Variants in FGF14 observed in about 807,000 individuals in gnomAD.
FGF14 encodes fibroblast growth factor 14.
Under a neutral mutation model 25.5 loss-of-function variants are expected in FGF14, and 5 were observed. That is an observed-to-expected ratio of 0.20 (90% CI 0.10 to 0.41). The LOEUF (loss-of-function observed/expected upper bound fraction) is 0.41. FGF14 is among the 10% of genes least tolerant of loss of function. The probability of loss-of-function intolerance (pLI) is 1.00; values close to 1 mark genes in which losing one functional copy is unlikely to be tolerated. For missense variants in FGF14, 222 were observed against 320.1 expected, an observed-to-expected ratio of 0.69 and a Z score of 2.34; for synonymous variants, 138 against 118.3, an observed-to-expected ratio of 1.17 and a Z score of -1.08.
chr13:101,975,243 T>G (rs1015328911), intron 1 of FGF14, among the ~76,000 whole-genome samples: 11 of 152,102 alleles, frequency 7.2e-5, no homozygotes, highest in African/African-American at 2.2e-4. Context: ...TCCTACCTTG[T>G]GCTGTGACCC....
At chr13:102,215,300 G>A (rs994899009) in intron 1 of FGF14, among the ~76,000 whole-genome samples, 1 of 152,196 alleles carries the variant, frequency 6.6e-6, no homozygotes, top group African/African-American at 2.4e-5. Flanking sequence ...TGGGTTTTGA[G>A]TTAGAATAAC....
At chr13:102,153,731 A>G (rs905295929) in intron 1 of FGF14, among the ~76,000 whole-genome samples, 3 of 152,120 alleles carry the variant, frequency 2.0e-5, no homozygotes, top group Non-Finnish European at 2.9e-5. Context: ...GCCTCTGGTA[A>G]CCACCATTCT....
At chr13:101,952,281 C>T (rs1256957282) in intron 1 of FGF14, among the ~76,000 whole-genome samples, 1 of 152,040 alleles carries the variant, frequency 6.6e-6, no homozygotes, top group Non-Finnish European at 1.5e-5. Flanking sequence ...GCTTGTTTAC[C>T]ATACACTATG....
intron 1 of FGF14, among the ~76,000 whole-genome samples, chr13:102,398,794 T>G (rs1329113048): frequency 6.6e-6 from 1 of 151,330 alleles, no homozygotes; most frequent in Non-Finnish European, 1.5e-5. Flanking sequence ...TGGCATGGGT[T>G]CGATTCAAGC....
In FGF14 at chr13:101,870,971, A is replaced by ATAC. The variant is rs530929700; in HGVS notation, c.305-2144_305-2143insGTA. 4.2e-4 allele frequency among the ~76,000 whole-genome samples: 59 copies of ATAC among 141,770 alleles called. 3 individuals are homozygous for ATAC. The South Asian group carries it at 0.013, about 32-fold the overall frequency. The allele number at this position is 141,770 out of a possible 152,430, so 93.0% of individuals were successfully genotyped here. A position where few individuals can be genotyped will look rare whatever the true frequency, so the allele number is the denominator to read the frequency against. The stretch of plus-strand genomic sequence containing the variant: ...CATCTCAAAAATAAATAAATAAATA[A>ATAC]ATAAATACATACATACATACATACA... On this transcript the variant is annotated intron_variant, in intron 2 of 4. Transcript: ENST00000376143.
At chr13:101,807,069 G>A (rs2041244946) in intron 3 of FGF14, among the ~76,000 whole-genome samples, 1 of 152,028 alleles carries the variant, frequency 6.6e-6, no homozygotes, top group South Asian at 2.1e-4. Flanking sequence ...AAAGGGGCAG[G>A]GATGGTGCAA....
At chr13:102,380,848 T>G (rs1396707739) in intron 1 of FGF14, among the ~76,000 whole-genome samples, 2 of 151,824 alleles carry the variant, frequency 1.3e-5, no homozygotes, top group Non-Finnish European at 2.9e-5. Context: ...AGATAAAGAG[T>G]CAGAACCATT....
rs1026376350 is a variant in FGF14 at position 102,390,362 on chromosome 13, A to G, written c.208+11109T>C. 3.1e-4 allele frequency among the ~76,000 whole-genome samples: 47 copies of G among 152,248 alleles called. 2 individuals carry two copies. The highest frequency in any genetic ancestry group is 2.7e-3 in the Admixed American group (42 of 15,284). On this transcript the variant is annotated intron_variant, in intron 1 of 4. Coordinates refer to the FGF14 transcript ENST00000376131. ...ATAAATTATATCTCACTAAGAAAGC[A>G]TTAAAAATTCTAGATAGCTAAACAG...
In FGF14 at chr13:102,187,090, C is replaced by T. The variant is rs116412586; in HGVS notation, c.208+214381G>A. Among the ~76,000 whole-genome samples the T allele has an allele frequency of 4.0e-3, 606 of 152,254 alleles. 4 individuals carry two copies. Among genetic ancestry groups the T allele is most frequent in the African/African-American group, 0.013 (552 of 41,570 alleles). ...TATGGGGGACACACAAGCAACGCCT[C>T]GGTTACATATGGAGGACAAATCTAG... On this transcript the variant is annotated intron_variant, in intron 1 of 4. Transcript: ENST00000376131.
chr13:102,019,051 C>A (rs1213742488), intron 1 of FGF14, among the ~76,000 whole-genome samples: 1 of 152,144 alleles, frequency 6.6e-6, no homozygotes, highest in Non-Finnish European at 1.5e-5. Context: ...CACCAAGTTT[C>A]AACTCATTGT....
At chr13:101,823,612 T>G (rs969191070) in intron 3 of FGF14, among the ~76,000 whole-genome samples, 8 of 150,336 alleles carry the variant, frequency 5.3e-5, no homozygotes, top group African/African-American at 1.9e-4. Flanking sequence ...TAACTTTGTA[T>G]TTTTAGTAGA....
At chr13:102,270,701 G>C (rs1276495877) in intron 1 of FGF14, among the ~76,000 whole-genome samples, 1 of 152,056 alleles carries the variant, frequency 6.6e-6, no homozygotes, top group Non-Finnish European at 1.5e-5. Flanking sequence ...TTTTATGTCT[G>C]GGTATTTGTT....
intron 4 of FGF14, among the ~76,000 whole-genome samples, chr13:101,724,968 T>G (rs1032215671): frequency 1.3e-5 from 2 of 151,992 alleles, no homozygotes; most frequent in East Asian, 1.9e-4. Flanking sequence ...CATTGTTGTC[T>G]CAGATATTTT....
chr13:101,800,876 T>G (rs1403946831), intron 3 of FGF14, among the ~76,000 whole-genome samples: 1 of 152,128 alleles, frequency 6.6e-6, no homozygotes, highest in Non-Finnish European at 1.5e-5. Flanking sequence ...TTTACAGAAA[T>G]AGGTGATCGT....
intron 1 of FGF14, among the ~76,000 whole-genome samples, chr13:101,877,516 G>A (rs561480152): frequency 2.2e-4 from 34 of 152,126 alleles, no homozygotes; most frequent in Non-Finnish European, 4.3e-4. Context: ...TAAGTTAACA[G>A]CTGGAATCTG....
At chr13:102,373,859 C>T (rs11842873) in intron 1 of FGF14, among the ~76,000 whole-genome samples, 1,664 of 152,100 alleles carry the variant, frequency 0.011, 21 homozygotes, top group African/African-American at 0.038. Context: ...ACTGGAATCA[C>T]CTATGGGGTT....
intron 1 of FGF14, among the ~76,000 whole-genome samples, chr13:102,289,134 CAATTAAAATTTGT>C (rs1300352053): frequency 1.3e-5 from 2 of 152,094 alleles, no homozygotes; most frequent in African/African-American, 4.8e-5. Context: ...ATTATGTTAC[CAATTAAAATTTGT>C]TCATCACTCC....
intron 1 of FGF14, among the ~76,000 whole-genome samples, chr13:101,876,858 G>T (rs1024351185): frequency 6.6e-6 from 1 of 152,094 alleles, no homozygotes; most frequent in East Asian, 1.9e-4. Flanking sequence ...ACTGGGCTAA[G>T]TACTAAAGAC....
intron 1 of FGF14, among the ~76,000 whole-genome samples, chr13:101,908,091 T>C (rs774409952): frequency 6.6e-6 from 1 of 152,006 alleles, no homozygotes; most frequent in Non-Finnish European, 1.5e-5. Flanking sequence ...CATAAGAGGT[T>C]TGAAGGGAAG....
Sources: gnomAD v4.1 joint callset for allele counts (sites outside exome capture counted in the v4.1 genomes callset) on GRCh38, gnomAD v4.1.1 for gene constraint, MANE v1.5 for transcripts, NCBI Gene and HGNC (gene_info 2026-07-23, HGNC 2026-07-21) for gene names.